METTL15: variants seen among roughly 807,000 people sequenced by gnomAD.
METTL15 encodes the protein methyltransferase 15, mitochondrial 12S rRNA N4-cytidine.
In METTL15, 34 loss-of-function variants were observed where a neutral mutation model predicts 38.3. That is an observed-to-expected ratio of 0.89 (90% CI 0.68 to 1.18). The LOEUF (loss-of-function observed/expected upper bound fraction) is 1.18. Ranked by LOEUF, METTL15 falls within the 50% of genes most tolerant of loss-of-function variation. The probability of loss-of-function intolerance (pLI) is 0.00; values close to 1 mark genes in which losing one functional copy is unlikely to be tolerated. For missense variants in METTL15, 438 were observed against 498.4 expected, an observed-to-expected ratio of 0.88 and a Z score of 1.15; for synonymous variants, 162 against 170.9, an observed-to-expected ratio of 0.95 and a Z score of 0.41.
chr11:28,520,726 A>C (rs1304187244), intron 6 of METTL15, among the ~76,000 whole-genome samples: 2 of 152,228 alleles, frequency 1.3e-5, no homozygotes, highest in Non-Finnish European at 2.9e-5. Flanking sequence ...GGGCAGGAAA[A>C]TACACCATTC....
intron 6 of METTL15, among the ~76,000 whole-genome samples, chr11:28,447,582 C>A (rs1187821465): frequency 6.6e-6 from 1 of 151,882 alleles, no homozygotes; most frequent in Non-Finnish European, 1.5e-5. Context: ...ATGGCTGAAT[C>A]TCATTATTTT....
intron 6 of METTL15, among the ~76,000 whole-genome samples, chr11:28,443,236 T>A (rs1851049578): frequency 6.6e-6 from 1 of 152,200 alleles, no homozygotes; most frequent in African/African-American, 2.4e-5. Flanking sequence ...ACATCACTGA[T>A]CATTCCCTTT....
intron 3 of METTL15, among the ~76,000 whole-genome samples, chr11:28,146,040 ATCC>A (rs1849872096): frequency 6.6e-6 from 1 of 152,052 alleles, no homozygotes; most frequent in Non-Finnish European, 1.5e-5. Flanking sequence ...TATTATTTAT[ATCC>A]TCTATATAGT....
rs187856969 is a variant in METTL15, at chr11:28,238,700, G to T, written c.407+27502G>T. On this transcript the variant is annotated intron_variant, in intron 4 of 6. Coordinates refer to ENST00000407364, the MANE Select transcript of METTL15 (RefSeq NM_001113528.2). ...GCAGAAATCACCCGTCTCCTGCGTC[G>T]CTCACGCTGGGAGCTATAGACCGGA... 2.0e-5 allele frequency among the ~76,000 whole-genome samples: 3 copies of T among 152,148 alleles called. No individual in the cohort carries two copies. The East Asian group carries it at 5.8e-4, about 29-fold the overall frequency.
At chr11:28,126,138 C>T (rs148677262) in intron 3 of METTL15, among the ~76,000 whole-genome samples, 1 of 152,060 alleles carries the variant, frequency 6.6e-6, no homozygotes, top group Non-Finnish European at 1.5e-5. Flanking sequence ...AGTACACATC[C>T]CACAGATATA....
At chr11:28,328,838 T>C (rs987156591) in intron 6 of METTL15, among the ~76,000 whole-genome samples, 1 of 152,110 alleles carries the variant, frequency 6.6e-6, no homozygotes, top group African/African-American at 2.4e-5. Context: ...TGCAGTTTAC[T>C]TCTTTTATAT....
intron 4 of METTL15, among the ~76,000 whole-genome samples, chr11:28,237,486 T>A (rs1187190385): frequency 6.6e-6 from 1 of 152,202 alleles, no homozygotes; most frequent in Non-Finnish European, 1.5e-5. Context: ...TATTGGTTAT[T>A]CTAGTTATAC....
chr11:28,504,748 CA>C (rs1851613846), intron 6 of METTL15, among the ~76,000 whole-genome samples: 1 of 152,198 alleles, frequency 6.6e-6, no homozygotes, highest in Non-Finnish European at 1.5e-5. Flanking sequence ...TCGTGATGCA[CA>C]TATGTTAAGG....
intron 4 of METTL15, among the ~76,000 whole-genome samples, chr11:28,246,727 T>C (rs1324918694): frequency 6.6e-6 from 1 of 152,056 alleles, no homozygotes. Flanking sequence ...TACTTCATGC[T>C]CACATCTCCT....
chr11:28,142,838 A>C (rs901110329), intron 3 of METTL15, among the ~76,000 whole-genome samples: 10 of 152,134 alleles, frequency 6.6e-5, no homozygotes, highest in African/African-American at 2.2e-4. Flanking sequence ...CTAGTGGAAA[A>C]TAGATTAGAA....
At chr11:28,444,368 A>G (rs1233127589) in intron 6 of METTL15, among the ~76,000 whole-genome samples, 1 of 152,202 alleles carries the variant, frequency 6.6e-6, no homozygotes, top group Non-Finnish European at 1.5e-5. Flanking sequence ...TTTATTTACA[A>G]CTTTAAGAAA....
At chr11:28,259,696 T>A (rs1855120154) in intron 4 of METTL15, among the ~76,000 whole-genome samples, 1 of 152,208 alleles carries the variant, frequency 6.6e-6, no homozygotes, top group South Asian at 2.1e-4. Context: ...CCCCTGAGCA[T>A]AGAAACACTC....
At chr11:28,163,680 C>A in intron 3 of METTL15, 2 of 384,108 alleles carry the variant, frequency 5.2e-6, no homozygotes, top group Admixed American at 8.9e-5. Context: ...ATGGCTTATA[C>A]CCTGAGAACT....
chr11:28,180,811 G>A (rs1330450476), intron 3 of METTL15, among the ~76,000 whole-genome samples: 3 of 151,636 alleles, frequency 2.0e-5, no homozygotes, highest in Admixed American at 6.6e-5. Context: ...TTAGGTTTTC[G>A]ACTGGTAGAC....
intron 3 of METTL15, among the ~76,000 whole-genome samples, chr11:28,127,893 A>G (rs1852563541): frequency 6.6e-6 from 1 of 152,124 alleles, no homozygotes; most frequent in Non-Finnish European, 1.5e-5. Context: ...CATCTTTGGT[A>G]CATTATTTGA....
intron 5 of METTL15, among the ~76,000 whole-genome samples, chr11:28,396,757 A>T (rs1410750414): frequency 6.6e-6 from 1 of 152,172 alleles, no homozygotes; most frequent in African/African-American, 2.4e-5. Flanking sequence ...GTTCATATGG[A>T]ATCAAAAAAG....
At chr11:28,462,075 A>C (rs1851220592) in intron 6 of METTL15, among the ~76,000 whole-genome samples, 1 of 152,088 alleles carries the variant, frequency 6.6e-6, no homozygotes, top group South Asian at 2.1e-4. Flanking sequence ...ACTATCCATG[A>C]TACCATGTTG....
At chr11:28,160,155 T>C (rs7950119) in intron 3 of METTL15, among the ~76,000 whole-genome samples, 1 of 152,072 alleles carries the variant, frequency 6.6e-6, no homozygotes, top group Non-Finnish European at 1.5e-5. Flanking sequence ...GACCTTGGAC[T>C]TCGGACTCCG....
At chr11:28,515,152 A>G (rs1851708900) in intron 6 of METTL15, among the ~76,000 whole-genome samples, 1 of 152,218 alleles carries the variant, frequency 6.6e-6, no homozygotes, top group African/African-American at 2.4e-5. Flanking sequence ...GGAAAAGCAT[A>G]AGAAAGAATA....
Sources: gnomAD v4.1 joint callset for allele counts (sites outside exome capture counted in the v4.1 genomes callset) on GRCh38, gnomAD v4.1.1 for gene constraint, MANE v1.5 for transcripts, NCBI Gene and HGNC (gene_info 2026-07-23, HGNC 2026-07-21) for gene names.